Variants in LY9 observed in about 807,000 individuals in gnomAD.
LY9 encodes lymphocyte antigen 9.
In LY9, 59 loss-of-function variants were observed where a neutral mutation model predicts 64.6. The ratio of observed to expected loss-of-function variants is 0.91; its 90% CI spans 0.74 to 1.13. LY9 has a LOEUF of 1.13. LY9 is among the 50% of genes most tolerant of loss of function. The pLI, the probability that LY9 is intolerant of heterozygous loss-of-function variation, is 0.00. For missense variants in LY9, 789 were observed against 797.2 expected, an observed-to-expected ratio of 0.99 and a Z score of 0.12; for synonymous variants, 281 against 308.5, an observed-to-expected ratio of 0.91 and a Z score of 0.93.
rs559933432 is a variant in LY9, at chr1:160,826,385, A to G, written c.1900-1363A>G. ...ATGTTTATTGAAAAAAAATCTGCAT[A>G]TAAGTGGCCATGCAGTTCAAACATA... On this transcript the variant is annotated intron_variant, in intron 9 of 9. Transcript: ENST00000263285. Among the ~76,000 whole-genome samples the G allele has an allele frequency of 2.0e-5, 3 of 152,334 alleles. No individual in the cohort carries two copies. The East Asian group carries it at 5.8e-4, about 29-fold the overall frequency.
chr1:160,814,732 G>A lies in LY9; in HGVS notation c.1043G>A (p.Ser348Asn). The A allele has an allele frequency of 6.2e-7, 1 of 1,613,838 alleles. No individual in the cohort carries two copies. Among genetic ancestry groups the A allele is most frequent in the Admixed American group, 1.7e-5 (1 of 59,992 alleles). ...YVCSEASSVT[S>N]MTHVTLLIYR... is the part of the protein sequence containing the mutation. ...TGCTCAGAGGCCTCCAGCGTCACCA[G>A]CATGACACATGTCACCCTGCTCATC... is the stretch of plus-strand genomic sequence containing the variant. Residue 348 changes from serine to asparagine, a missense_variant, in exon 4 of 10, where the codon AGC becomes AAC. By Grantham distance (46) the Ser-to-Asn change is conservative. Coordinates refer to ENST00000263285, the MANE Select transcript of LY9 (RefSeq NM_002348.4).
chr1:160,821,250 G>GACA (rs1042277600), intron 7 of LY9, among the ~76,000 whole-genome samples: 2 of 149,900 alleles, frequency 1.3e-5, no homozygotes, highest in Admixed American at 1.3e-4. Context: ...TCCCCCAAGA[G>GACA]ACAACCACTG....
chr1:160,823,884 G>A (rs1191837531), intron 8 of LY9, 88 bp downstream of exon 8: 28 of 1,135,674 alleles, frequency 2.5e-5, no homozygotes, highest in Admixed American at 1.5e-4. Context: ...CCAAACTGGG[G>A]GCTGGGGCCT....
At position 160,814,447 on chromosome 1, in the gene LY9, C is replaced by T. The variant is rs145723646; in HGVS notation, c.758C>T (p.Thr253Met). The T allele has an allele frequency of 3.7e-4, 597 of 1,612,656 alleles. 3 individuals are homozygous for T. In the East Asian group the frequency reaches 9.3e-3, roughly 25 times the overall value. Residue 253 changes from threonine (T) to methionine (M), a missense_variant, in exon 4 of 10, where the codon ACG becomes ATG. Physicochemically the swap from Thr to Met is moderately conservative, Grantham distance 81. Transcript: ENST00000263285. ...TDPGASRGGT[T>M]GETVVGVLGE... The stretch of plus-strand genomic sequence containing the variant: ...CCAGGAGCCTCCAGAGGAGGAACAA[C>T]GGGGGAGACTGTGGTAGGGGTCCTG...
rs367971531 is a variant in LY9, at chr1:160,827,772, G to C, written c.1924G>C (p.Asp642His). The C allele has an allele frequency of 1.2e-6, 2 of 1,610,144 alleles. No individual in the cohort carries two copies. The highest frequency in any genetic ancestry group is 1.7e-6 in the Non-Finnish European group (2 of 1,178,448). The part of the protein sequence containing the change: ...PQVVPPPQQN[D>H]LEIPESPTYE... ...GGTGGTGCCACCACCACAACAGAAT[G>C]ATCTTGAGATTCCTGAAAGTCCTAC... is the stretch of plus-strand genomic sequence containing the variant. The change falls in exon 10 of 10, where the codon GAT (aspartate) becomes CAT (histidine). Residue 642 changes from aspartate (D) to histidine (H), a missense_variant. Coordinates refer to ENST00000263285, the MANE Select transcript of LY9 (RefSeq NM_002348.4).
intron 1 of LY9, 153 bp from the exon 2 acceptor site, chr1:160,799,600 G>C: frequency 1.7e-6 from 1 of 604,602 alleles, no homozygotes; most frequent in Non-Finnish European, 2.9e-6. Context: ...TAATGACTGT[G>C]CTAGGCAATT....
At chr1:160,816,983 C>A (rs758570091) in intron 5 of LY9, 120 bp downstream of exon 5, 17 of 884,196 alleles carry the variant, frequency 1.9e-5, no homozygotes, top group Non-Finnish European at 3.0e-5. Flanking sequence ...TTTAGAGTGG[C>A]ATGCTTCCAC....
chr1:160,800,354 A>T, intron 2 of LY9: 1 of 344,750 alleles, frequency 2.9e-6, no homozygotes, highest in Non-Finnish European at 5.3e-6. Context: ...CACTCCCCAC[A>T]CTCACCCTTC....
At chr1:160,825,332 T>C (rs1276240014) in intron 9 of LY9, among the ~76,000 whole-genome samples, 1 of 152,242 alleles carries the variant, frequency 6.6e-6, no homozygotes, top group Non-Finnish European at 1.5e-5. Flanking sequence ...TCTTCTTTGA[T>C]CTTTGTAATA....
intron 1 of LY9, 78 bp downstream of exon 1, chr1:160,796,389 CT>C (rs3831924): frequency 6.4e-6 from 9 of 1,416,762 alleles, no homozygotes; most frequent in African/African-American, 2.9e-5. Context: ...CTGGGAGATT[CT>C]TTTTTTTGTT....
chr1:160,816,976 A>G, intron 5 of LY9, 113 bp downstream of exon 5: 1 of 1,002,472 alleles, frequency 1.0e-6, no homozygotes, highest in Non-Finnish European at 1.5e-6. Flanking sequence ...AGAGCCCTTT[A>G]GAGTGGCATG....
intron 5 of LY9, among the ~76,000 whole-genome samples, chr1:160,817,993 C>T (rs893204924): frequency 8.5e-5 from 13 of 152,188 alleles, no homozygotes; most frequent in African/African-American, 3.1e-4. Flanking sequence ...CTGGGCAAGC[C>T]GTAAACCTCT....
rs183853961 is a variant in LY9 at position 160,807,546 on chromosome 1, G to T, written c.455-6090G>T. Among the ~76,000 whole-genome samples the T allele has an allele frequency of 7.9e-5, 12 of 152,272 alleles. No individual in the cohort carries two copies. The East Asian group carries it at 1.5e-3, about 20-fold the overall frequency. The stretch of plus-strand genomic sequence containing the variant: ...CGATTTTTAGGTCTCCAGGTGGCTT[G>T]CTCAGATACCGATAATGGCAGCAGT... On this transcript the variant is annotated intron_variant, in intron 2 of 9. Coordinates refer to ENST00000263285, the MANE Select transcript of LY9 (RefSeq NM_002348.4).
At chr1:160,796,366 T>C (rs1665856840) in intron 1 of LY9, 55 bp downstream of exon 1, 1 of 1,559,114 alleles carries the variant, frequency 6.4e-7, no homozygotes, top group Non-Finnish European at 8.7e-7. Context: ...CTGAGGCCAG[T>C]TGCATTCCCT....
chr1:160,802,558 C>T (rs1410991798), intron 2 of LY9: 22 of 985,486 alleles, frequency 2.2e-5, no homozygotes, highest in Non-Finnish European at 2.7e-5. Context: ...AGAAATGGTT[C>T]AAATTGCTGC....
At chr1:160,814,831 C>A in intron 4 of LY9, 70 bp downstream of exon 4, 1 of 1,281,740 alleles carries the variant, frequency 7.8e-7, no homozygotes, top group East Asian at 2.5e-5. Flanking sequence ...CTGCCTTCTC[C>A]ACCTTCCGCT....
chr1:160,816,916 GTT>G (rs1232411423), intron 5 of LY9, 53 bp downstream of exon 5: 6 of 1,580,332 alleles, frequency 3.8e-6, no homozygotes, highest in African/African-American at 1.3e-5. Context: ...GCCTCCAAGA[GTT>G]TGCATCCTGA....
intron 6 of LY9, 27 bp downstream of exon 6, chr1:160,818,346 G>C (rs372845687): frequency 6.5e-7 from 1 of 1,541,826 alleles, no homozygotes; most frequent in South Asian, 1.1e-5. Context: ...AATGTTGTCC[G>C]CCAGTGCTAG....
rs1665845888 is a variant in LY9, at chr1:160,796,271, C to A, written c.84C>A (p.Phe28Leu). 2.5e-6 allele frequency: 4 copies of A among 1,613,746 alleles called. No homozygotes were observed. Among genetic ancestry groups the A allele is most frequent in the Non-Finnish European group, 3.4e-6 (4 of 1,179,998 alleles). Residue 28 changes from phenylalanine (F) to leucine (L), a missense_variant, in exon 1 of 10, where the codon TTC (phenylalanine) becomes TTA (leucine). Physicochemically the swap from Phe to Leu is conservative, Grantham distance 22. Transcript: ENST00000263285. Reference protein sequence around the residue: ...SKPQRSQLQIFSSVLQTSLLF... With the variant: ...SKPQRSQLQILSSVLQTSLLF... ...CACAGAGGAGTCAGCTGCAAATATT[C>A]TCTTCTGTTCTACAGACCTCTCTCC...
Sources: gnomAD v4.1 joint callset for allele counts (sites outside exome capture counted in the v4.1 genomes callset) on GRCh38, gnomAD v4.1.1 for gene constraint, MANE v1.5 for transcripts, NCBI Gene and HGNC (gene_info 2026-07-23, HGNC 2026-07-21) for gene names.